Variants in GPHN observed in about 807,000 individuals in gnomAD.
GPHN encodes gephyrin.
GPHN carries 17 observed loss-of-function variants against 95.5 expected under a neutral mutation model. That is an observed-to-expected ratio of 0.18 (90% confidence interval 0.12 to 0.27). The LOEUF (loss-of-function observed/expected upper bound fraction) is 0.27. Among genes scored for constraint, GPHN ranks in the 10% least tolerant of loss-of-function variants. The probability of loss-of-function intolerance (pLI) is 1.00; values close to 1 mark genes in which losing one functional copy is unlikely to be tolerated. For synonymous variants in GPHN, 320 were observed against 322.5 expected, an observed-to-expected ratio of 0.99 and a Z score of 0.08; for missense variants, 660 against 978.1, an observed-to-expected ratio of 0.67 and a Z score of 4.34.
At chr14:67,274,916 C>T in the GPHN span, among the ~76,000 whole-genome samples, 2 of 144,868 alleles carry the variant, frequency 1.4e-5, no homozygotes, top group Admixed American at 6.8e-5. Flanking sequence ...TGATTTGGCT[C>T]TCTATTTGTC....
chr14:67,326,910 C>G, the GPHN span, among the ~76,000 whole-genome samples: 1 of 152,238 alleles, frequency 6.6e-6, no homozygotes, highest in Middle Eastern at 3.2e-3. Flanking sequence ...CACAGTGGCT[C>G]ACGCCTGTAA....
At chr14:66,872,451 A>G (rs1486038633) in intron 4 of GPHN, among the ~76,000 whole-genome samples, 3 of 152,202 alleles carry the variant, frequency 2.0e-5, no homozygotes, top group East Asian at 3.8e-4. Flanking sequence ...CCTAAAATGT[A>G]TCTTGACCAT....
At chr14:66,520,442 T>G (rs2058430156) in intron 1 of GPHN, among the ~76,000 whole-genome samples, 1 of 152,162 alleles carries the variant, frequency 6.6e-6, no homozygotes, top group African/African-American at 2.4e-5. Flanking sequence ...CAAAATTAGC[T>G]TAAGTGAAGA....
At chr14:66,737,666 T>TA (rs1476049797) in intron 2 of GPHN, among the ~76,000 whole-genome samples, 2 of 152,240 alleles carry the variant, frequency 1.3e-5, no homozygotes, top group African/African-American at 4.8e-5. Flanking sequence ...CATCAGCAGA[T>TA]ACCACCAGAG....
chr14:67,325,259 A>T, the GPHN span, among the ~76,000 whole-genome samples: 2 of 151,506 alleles, frequency 1.3e-5, no homozygotes, highest in African/African-American at 4.8e-5. Flanking sequence ...CTTCCTCTTC[A>T]CCCTCCAAAA....
chr14:66,697,191 T>A (rs903217176), intron 2 of GPHN, among the ~76,000 whole-genome samples: 21 of 152,226 alleles, frequency 1.4e-4, no homozygotes, highest in African/African-American at 4.8e-4. Flanking sequence ...TTATAGTTAA[T>A]CTACTTAAAT....
At chr14:67,115,141 C>T (rs1310881968) in intron 16 of GPHN, among the ~76,000 whole-genome samples, 1 of 151,934 alleles carries the variant, frequency 6.6e-6, no homozygotes, top group Admixed American at 6.6e-5. Context: ...TTCTCTTATT[C>T]AAAGTTAGTT....
chr14:67,505,368 T>G, the GPHN span, among the ~76,000 whole-genome samples: 21 of 152,148 alleles, frequency 1.4e-4, no homozygotes, highest in Non-Finnish European at 2.6e-4. Flanking sequence ...GTCTGTCCCC[T>G]GCAACTGGGA....
At chr14:66,777,099 G>C (rs1385341578) in intron 3 of GPHN, among the ~76,000 whole-genome samples, 1 of 149,800 alleles carries the variant, frequency 6.7e-6, no homozygotes, top group Non-Finnish European at 1.5e-5. Flanking sequence ...AAAAAAAAGA[G>C]AGAAGAATCA....
At chr14:67,466,546 T>C in the GPHN span, among the ~76,000 whole-genome samples, 6 of 152,264 alleles carry the variant, frequency 3.9e-5, no homozygotes, top group Admixed American at 1.3e-4. Context: ...ACTGGTGTTC[T>C]GGAACACTCA....
the GPHN span, among the ~76,000 whole-genome samples, chr14:67,536,785 G>A: frequency 6.6e-6 from 1 of 151,940 alleles, no homozygotes; most frequent in Non-Finnish European, 1.5e-5. Flanking sequence ...GCTCACGCCT[G>A]TAATCCCAGC....
At chr14:67,034,165 T>C (rs2074311666) in intron 10 of GPHN, among the ~76,000 whole-genome samples, 1 of 152,064 alleles carries the variant, frequency 6.6e-6, no homozygotes, top group Admixed American at 6.6e-5. Context: ...TATATATATA[T>C]ACAAATTCAG....
chr14:66,641,875 T>TA (rs1344741517), intron 1 of GPHN, among the ~76,000 whole-genome samples: 1 of 152,056 alleles, frequency 6.6e-6, no homozygotes, highest in African/African-American at 2.4e-5. Flanking sequence ...TTTTTTAAAG[T>TA]AAAAAAATGA....
chr14:67,105,935 T>C (rs2078011527), intron 13 of GPHN, among the ~76,000 whole-genome samples: 1 of 152,176 alleles, frequency 6.6e-6, no homozygotes, highest in East Asian at 1.9e-4. Flanking sequence ...GGTGGTTTTC[T>C]ACATTGATAC....
At chr14:67,352,974 T>C in the GPHN span, 1 of 1,614,060 alleles carries the variant, frequency 6.2e-7, no homozygotes. Context: ...AGGCATCAGA[T>C]TTTTTCTTCA....
chr14:67,383,188 G>A, the GPHN span: 1 of 1,049,894 alleles, frequency 9.5e-7, no homozygotes, highest in Non-Finnish European at 1.3e-6. Context: ...TCACTCAAAA[G>A]TGAACAGATA....
At chr14:66,970,086 T>TGTG (rs373979223) in intron 9 of GPHN, among the ~76,000 whole-genome samples, 3 of 120,948 alleles carry the variant, frequency 2.5e-5, no homozygotes, top group Non-Finnish European at 3.5e-5. Context: ...GCAAGTTGTG[T>TGTG]TTTTTTTTTT....
intron 2 of GPHN, among the ~76,000 whole-genome samples, chr14:66,739,485 G>T (rs2072608021): frequency 6.7e-6 from 1 of 150,310 alleles, no homozygotes; most frequent in Non-Finnish European, 1.5e-5. Context: ...CAAAGTGCTG[G>T]GATTACAGGC....
chr14:67,724,537 A>G, the GPHN span: 9 of 1,613,814 alleles, frequency 5.6e-6, no homozygotes, highest in Non-Finnish European at 6.8e-6. Context: ...AGTGGTGATC[A>G]CTGGCGCCAA....
Sources: gnomAD v4.1 joint callset for allele counts (sites outside exome capture counted in the v4.1 genomes callset) on GRCh38, gnomAD v4.1.1 for gene constraint, MANE v1.5 for transcripts, NCBI Gene and HGNC (gene_info 2026-07-23, HGNC 2026-07-21) for gene names.